The following DAB1 variants were observed in gnomAD, a reference collection of about 807,000 sequenced individuals.
DAB1 encodes disabled homolog 1.
A neutral mutation model predicts 64.6 loss-of-function variants in DAB1; 15 were observed. That is an observed-to-expected ratio of 0.23 (90% CI 0.16 to 0.36). The LOEUF is 0.36. DAB1 is among the 10% of genes least tolerant of loss of function. The probability of loss-of-function intolerance (pLI) is 1.00; values close to 1 mark genes in which losing one functional copy is unlikely to be tolerated. For synonymous variants in DAB1, 235 were observed against 251.9 expected, an observed-to-expected ratio of 0.93 and a Z score of 0.64; for missense variants, 596 against 706.7, an observed-to-expected ratio of 0.84 and a Z score of 1.78.
chr1:58,119,581 A>AAAACAGGG (rs1652612962), intron 5 of DAB1, among the ~76,000 whole-genome samples: 1 of 152,144 alleles, frequency 6.6e-6, no homozygotes, highest in African/African-American at 2.4e-5. Context: ...GCTATGATGG[A>AAAACAGGG]CAGAGCAGAG....
intron 3 of DAB1, among the ~76,000 whole-genome samples, chr1:58,435,008 C>T (rs1231112346): frequency 1.3e-5 from 2 of 152,156 alleles, no homozygotes; most frequent in Non-Finnish European, 2.9e-5. Flanking sequence ...TCAAAACTCT[C>T]ATTTCCAGAA....
intron 4 of DAB1, among the ~76,000 whole-genome samples, chr1:57,119,230 CTTTA>C (rs1214820687): frequency 6.6e-6 from 1 of 152,164 alleles, no homozygotes; most frequent in Non-Finnish European, 1.5e-5. Context: ...TATGGCATTC[CTTTA>C]TTTGAGTTGA....
intron 14 of DAB1, among the ~76,000 whole-genome samples, chr1:57,008,058 G>A (rs1646143039): frequency 6.6e-6 from 1 of 152,176 alleles, no homozygotes; most frequent in Non-Finnish European, 1.5e-5. Flanking sequence ...AAGTGGCCAG[G>A]CTAAGCTTTC....
chr1:57,946,279 G>C (rs1645182903), intron 5 of DAB1, among the ~76,000 whole-genome samples: 1 of 152,192 alleles, frequency 6.6e-6, no homozygotes, highest in Non-Finnish European at 1.5e-5. Context: ...GAGTGGGGCA[G>C]ACAACTAACT....
intron 9 of DAB1, among the ~76,000 whole-genome samples, chr1:57,043,134 T>G (rs900842803): frequency 6.6e-6 from 1 of 152,208 alleles, no homozygotes; most frequent in African/African-American, 2.4e-5. Context: ...GGTTCTAGTG[T>G]GTCAGCAATC....
chr1:58,502,067 T>C (rs1645915820), intron 3 of DAB1, among the ~76,000 whole-genome samples: 1 of 152,184 alleles, frequency 6.6e-6, no homozygotes, highest in Non-Finnish European at 1.5e-5. Flanking sequence ...GATAAATACT[T>C]GTTGAATGCA....
intron 7 of DAB1, among the ~76,000 whole-genome samples, chr1:57,496,808 T>C (rs909781153): frequency 2.0e-5 from 3 of 152,206 alleles, no homozygotes; most frequent in Non-Finnish European, 2.9e-5. Flanking sequence ...ACTCAGCTGC[T>C]AGTGGCAGAA....
At chr1:57,658,815 C>T (rs1646349754) in intron 6 of DAB1, among the ~76,000 whole-genome samples, 1 of 152,190 alleles carries the variant, frequency 6.6e-6, no homozygotes, top group African/African-American at 2.4e-5. Context: ...AGCAGATAAC[C>T]TCTGCCTTCC....
chr1:57,032,902 C>T (rs1647009417), intron 9 of DAB1, among the ~76,000 whole-genome samples: 1 of 152,138 alleles, frequency 6.6e-6, no homozygotes, highest in South Asian at 2.1e-4. Flanking sequence ...TTTTTATTCC[C>T]AGTGGTGTAC....
chr1:58,025,653 A>ATATATATATATATATATATGTGTGTG (rs1646881888), intron 5 of DAB1, among the ~76,000 whole-genome samples: 4 of 45,498 alleles, frequency 8.8e-5, no homozygotes, highest in African/African-American at 3.0e-4. Context: ...ATATGTGTGT[A>ATATATATATATATATATATGTGTGTG]TATATATATA....
chr1:57,737,160 A>G (rs2101783807), intron 6 of DAB1, among the ~76,000 whole-genome samples: 1 of 152,188 alleles, frequency 6.6e-6, no homozygotes, highest in Non-Finnish European at 1.5e-5. Flanking sequence ...GAGGCTAACC[A>G]CCCAACCCAC....
intron 6 of DAB1, among the ~76,000 whole-genome samples, chr1:57,652,208 T>C (rs1261936766): frequency 6.6e-6 from 1 of 152,162 alleles, no homozygotes; most frequent in Non-Finnish European, 1.5e-5. Flanking sequence ...TTTTGAAATA[T>C]CTTTTCAGGT....
intron 6 of DAB1, among the ~76,000 whole-genome samples, chr1:57,756,420 G>A (rs1037320365): frequency 6.6e-6 from 1 of 152,138 alleles, no homozygotes; most frequent in Non-Finnish European, 1.5e-5. Context: ...GTAAAGCAAG[G>A]TTAGAGTGCC....
chr1:57,515,423 C>G (rs914313583), intron 7 of DAB1, among the ~76,000 whole-genome samples: 11 of 152,222 alleles, frequency 7.2e-5, no homozygotes, highest in Non-Finnish European at 5.9e-5. Context: ...GTGTTGAAAC[C>G]TCAGAGCAAC....
upstream of DAB1, among the ~76,000 whole-genome samples, chr1:57,428,286 T>G: frequency 6.6e-6 from 1 of 152,116 alleles, no homozygotes; most frequent in East Asian, 1.9e-4. Flanking sequence ...TAACTGAAGG[T>G]TTTTACCCTT....
chr1:57,431,316 A>G (rs1285687360), intron 7 of DAB1, among the ~76,000 whole-genome samples: 1 of 152,106 alleles, frequency 6.6e-6, no homozygotes, highest in African/African-American at 2.4e-5. Flanking sequence ...AAACAAAAGG[A>G]TCCACTTAAA....
chr1:57,292,049 A>C (rs1003712539), intron 1 of DAB1, among the ~76,000 whole-genome samples: 3 of 152,224 alleles, frequency 2.0e-5, no homozygotes, highest in Non-Finnish European at 4.4e-5. Flanking sequence ...TCTATTAAAA[A>C]GTAAACATTT....
intron 6 of DAB1, among the ~76,000 whole-genome samples, chr1:57,729,192 C>T (rs944462527): frequency 6.6e-6 from 1 of 152,188 alleles, no homozygotes. Flanking sequence ...TTGGTCCTGC[C>T]CTGGTGTGGG....
At chr1:57,361,540 T>C (rs1156592351) in intron 1 of DAB1, among the ~76,000 whole-genome samples, 3 of 152,316 alleles carry the variant, frequency 2.0e-5, no homozygotes, top group Non-Finnish European at 2.9e-5. Context: ...CTAAGGTAGA[T>C]GGAGAATATT....
Sources: allele counts gnomAD v4.1 joint callset (sites outside exome capture counted in the v4.1 genomes callset), GRCh38; gene constraint gnomAD v4.1.1; transcripts MANE v1.5; gene names NCBI Gene and HGNC (gene_info 2026-07-23, HGNC 2026-07-21).